TTLL11: variants seen among roughly 807,000 people sequenced by gnomAD.
The protein encoded by TTLL11 is tubulin tyrosine ligase like 11.
In TTLL11, 42 loss-of-function variants were observed where a neutral mutation model predicts 51.7. The ratio of observed to expected loss-of-function variants is 0.81; its 90% CI spans 0.64 to 1.05. The LOEUF is 1.05. TTLL11 is among the 50% of genes least tolerant of loss of function. The pLI is 0.00. For missense variants in TTLL11, 799 were observed against 940.4 expected, an observed-to-expected ratio of 0.85 and a Z score of 1.97; for synonymous variants, 381 against 383.5, an observed-to-expected ratio of 0.99 and a Z score of 0.08.
At chr9:121,936,552 C>T (rs910659021) in intron 6 of TTLL11, among the ~76,000 whole-genome samples, 1 of 152,170 alleles carries the variant, frequency 6.6e-6, no homozygotes, top group African/African-American at 2.4e-5. Context: ...CAGTGTGTGC[C>T]TGTAAGTAGG....
intron 6 of TTLL11, chr9:121,885,497 T>G (rs1838975896): frequency 6.6e-6 from 1 of 152,250 alleles, no homozygotes; most frequent in Non-Finnish European, 1.5e-5. Context: ...GCACATCCTC[T>G]TATTTGATTC....
intron 6 of TTLL11, among the ~76,000 whole-genome samples, chr9:121,959,722 T>C (rs189835288): frequency 9.2e-5 from 14 of 152,260 alleles, no homozygotes; most frequent in Admixed American, 9.2e-4. Context: ...GCCAAAGTGA[T>C]GGTTTTAAAA....
chr9:121,909,353 G>C (rs908917192), intron 6 of TTLL11, among the ~76,000 whole-genome samples: 12 of 152,076 alleles, frequency 7.9e-5, no homozygotes, highest in African/African-American at 2.9e-4. Context: ...TGCTCCTTGA[G>C]ATTATCTACT....
intron 1 of TTLL11, among the ~76,000 whole-genome samples, chr9:122,042,281 G>A (rs956486928): frequency 2.0e-5 from 3 of 151,966 alleles, no homozygotes; most frequent in South Asian, 2.1e-4. Context: ...GATTAAAGGC[G>A]TGAGTCACTG....
At chr9:121,960,657 C>A (rs180784250) in intron 6 of TTLL11, among the ~76,000 whole-genome samples, 4 of 152,322 alleles carry the variant, frequency 2.6e-5, no homozygotes, top group African/African-American at 9.6e-5. Flanking sequence ...CATTCATGCA[C>A]GTATGCATAC....
At chr9:121,967,444 C>T (rs929911998) in intron 6 of TTLL11, among the ~76,000 whole-genome samples, 2 of 151,944 alleles carry the variant, frequency 1.3e-5, no homozygotes, top group African/African-American at 2.4e-5. Context: ...AGGCTGGTCT[C>T]GAACTGCTGA....
At chr9:121,843,642 G>A (rs553051384) in intron 8 of TTLL11, among the ~76,000 whole-genome samples, 15 of 152,016 alleles carry the variant, frequency 9.9e-5, no homozygotes, top group South Asian at 2.1e-4. Flanking sequence ...CTGCTAATGC[G>A]GGAAACTATT....
At chr9:121,942,640 A>G (rs1035733877) in intron 6 of TTLL11, among the ~76,000 whole-genome samples, 1 of 150,866 alleles carries the variant, frequency 6.6e-6, no homozygotes, top group Admixed American at 6.6e-5. Flanking sequence ...ATCTAGTCTG[A>G]TCTCTGAGCC....
chr9:121,870,168 G>A (rs2131395924), intron 7 of TTLL11, among the ~76,000 whole-genome samples: 1 of 152,280 alleles, frequency 6.6e-6, no homozygotes, highest in African/African-American at 2.4e-5. Flanking sequence ...ACCACTGGGA[G>A]AAGCCCAGTT....
intron 6 of TTLL11, among the ~76,000 whole-genome samples, chr9:121,899,365 G>GTGTATATATATACATATACATATA (rs1226221957): frequency 8.8e-6 from 1 of 113,242 alleles, no homozygotes; most frequent in Admixed American, 1.0e-4. Context: ...ATGTGTGTGT[G>GTGTATATATATACATATACATATA]TATATATATA....
intron 3 of TTLL11, among the ~76,000 whole-genome samples, chr9:122,022,223 G>A (rs1193560591): frequency 6.6e-6 from 1 of 151,856 alleles, no homozygotes; most frequent in Non-Finnish European, 1.5e-5. Flanking sequence ...AGAAATAATG[G>A]GCAAATATTT....
At chr9:122,005,808 T>C (rs1162090176) in intron 3 of TTLL11, among the ~76,000 whole-genome samples, 1 of 151,844 alleles carries the variant, frequency 6.6e-6, no homozygotes, top group African/African-American at 2.4e-5. Context: ...CTAGGGAGGG[T>C]TTTGGAAATT....
chr9:122,080,267 A>G (rs537337202), intron 1 of TTLL11, among the ~76,000 whole-genome samples: 1 of 152,358 alleles, frequency 6.6e-6, no homozygotes, highest in African/African-American at 2.4e-5. Flanking sequence ...AGGAACCCTC[A>G]GAGCTGAGCA....
At chr9:121,892,608 G>T (rs1183781469) in intron 6 of TTLL11, among the ~76,000 whole-genome samples, 2 of 152,140 alleles carry the variant, frequency 1.3e-5, no homozygotes, top group Non-Finnish European at 2.9e-5. Flanking sequence ...AGATTTGGGT[G>T]GGGACACAGA....
chr9:121,879,576 G>T (rs1285819933), intron 6 of TTLL11, among the ~76,000 whole-genome samples: 1 of 152,196 alleles, frequency 6.6e-6, no homozygotes, highest in Non-Finnish European at 1.5e-5. Context: ...TAGAGAGTGG[G>T]GCCAAGTCAC....
intron 6 of TTLL11, among the ~76,000 whole-genome samples, chr9:121,940,019 T>C (rs1841386133): frequency 6.6e-6 from 1 of 152,130 alleles, no homozygotes; most frequent in African/African-American, 2.4e-5. Flanking sequence ...AAAGGACAAA[T>C]GTCTTCCCTC....
chr9:122,079,708 CAAA>C (rs150125190), intron 1 of TTLL11, among the ~76,000 whole-genome samples: 2 of 120,492 alleles, frequency 1.7e-5, no homozygotes, highest in African/African-American at 6.0e-5. Flanking sequence ...GACTCTGTCT[CAAA>C]AAAAAAAAAA....
intron 3 of TTLL11, among the ~76,000 whole-genome samples, chr9:122,007,702 G>C (rs1417234771): frequency 6.6e-6 from 1 of 152,124 alleles, no homozygotes; most frequent in Non-Finnish European, 1.5e-5. Flanking sequence ...GCTAACAAAT[G>C]CAGAAGGGAA....
At chr9:122,032,579 C>A (rs1050174903) in intron 2 of TTLL11, among the ~76,000 whole-genome samples, 1 of 148,756 alleles carries the variant, frequency 6.7e-6, no homozygotes, top group Non-Finnish European at 1.5e-5. Context: ...ACCTGGGAGG[C>A]GGAGCTTGCA....
Sources: gnomAD v4.1 joint callset for allele counts (sites outside exome capture counted in the v4.1 genomes callset) on GRCh38, gnomAD v4.1.1 for gene constraint, MANE v1.5 for transcripts, NCBI Gene and HGNC (gene_info 2026-07-23, HGNC 2026-07-21) for gene names.